Variants in STAMBPL1 observed in about 807,000 individuals in gnomAD.
STAMBPL1 encodes AMSH-like protease.
In STAMBPL1, 44 loss-of-function variants were observed where a neutral mutation model predicts 52.9. That is an observed-to-expected ratio of 0.83 (90% CI 0.65 to 1.07). The LOEUF is 1.07. STAMBPL1 is among the 50% of genes least tolerant of loss of function. The pLI, the probability that STAMBPL1 is intolerant of heterozygous loss-of-function variation, is 0.00. For synonymous variants in STAMBPL1, 164 were observed against 177.3 expected (o/e 0.92, Z 0.60); for missense variants, 511 against 520.8 (o/e 0.98, Z 0.18).
intron 2 of STAMBPL1, 57 bp downstream of exon 2, chr10:88,901,795 G>T: frequency 6.5e-7 from 1 of 1,536,100 alleles, no homozygotes; most frequent in South Asian, 1.2e-5. Context: ...AAGAAGAACA[G>T]AAACATACAA....
intron 2 of STAMBPL1, among the ~76,000 whole-genome samples, chr10:88,904,489 A>G (rs1845023899): frequency 1.3e-5 from 2 of 152,144 alleles, no homozygotes; most frequent in African/African-American, 4.8e-5. Context: ...TTGCTTTTAT[A>G]AATAAACATT....
At chr10:88,892,014 T>C (rs1197438617) in intron 1 of STAMBPL1, among the ~76,000 whole-genome samples, 1 of 150,386 alleles carries the variant, frequency 6.6e-6, no homozygotes, top group Admixed American at 6.6e-5. Context: ...CAAATTAAGC[T>C]GAAGCCATGA....
intron 6 of STAMBPL1, among the ~76,000 whole-genome samples, chr10:88,913,856 G>A (rs532458746): frequency 2.0e-5 from 3 of 152,248 alleles, no homozygotes; most frequent in Admixed American, 2.0e-4. Context: ...AGCAATAAAT[G>A]TTTATACTCA....
At chr10:88,892,677 A>G (rs1031936681) in intron 1 of STAMBPL1, among the ~76,000 whole-genome samples, 5 of 152,192 alleles carry the variant, frequency 3.3e-5, no homozygotes, top group East Asian at 3.8e-4. Context: ...AACCAAATGT[A>G]TGAATACAGC....
chr10:88,883,623 A>G (rs765674659), intron 1 of STAMBPL1, among the ~76,000 whole-genome samples: 5 of 152,230 alleles, frequency 3.3e-5, no homozygotes, highest in Non-Finnish European at 5.9e-5. Flanking sequence ...GGACAGGCCA[A>G]TTTAACATTT....
At chr10:88,889,315 C>T (rs1465014086) in intron 1 of STAMBPL1, among the ~76,000 whole-genome samples, 1 of 152,070 alleles carries the variant, frequency 6.6e-6, no homozygotes, top group Non-Finnish European at 1.5e-5. Context: ...ACATTTTTTT[C>T]AATCCTCATC....
At position 88,915,990 on chromosome 10, in the gene STAMBPL1, C is replaced by A. The variant is rs186947592; in HGVS notation, c.904-690C>A. ...GGCCAGCCTGCCTGGGGGAAGATAGCCTCTCATTGCACAAACATCTGTTCC... is the reference window on the plus strand; with the variant it reads ...GGCCAGCCTGCCTGGGGGAAGATAGACTCTCATTGCACAAACATCTGTTCC... On this transcript the variant is annotated intron_variant, in intron 7 of 10. Coordinates refer to ENST00000371926, the MANE Select transcript of STAMBPL1 (RefSeq NM_020799.4). 1.7e-3 allele frequency among the ~76,000 whole-genome samples: 259 copies of A among 152,188 alleles called. 2 individuals carry two copies. Among genetic ancestry groups the A allele is most frequent in the African/African-American group, 6.0e-3 (248 of 41,530 alleles).
chr10:88,914,613 T>C lies in STAMBPL1; in HGVS notation c.858T>C (p.Asn286=). ...AATTTCTGCAACTGGCAGAATCTAATACAGTGAGAGGAATAGAAACCTGTG... is the reference window on the plus strand; with the variant it reads ...AATTTCTGCAACTGGCAGAATCTAACACAGTGAGAGGAATAGAAACCTGTG... ...CHKFLQLAES[N]TVRGIETCGI... is the part of the protein sequence containing the mutation. The change falls in exon 7 of 11, where the codon AAT becomes AAC. Residue 286 remains asparagine, a synonymous_variant. Coordinates refer to ENST00000371926, the MANE Select transcript of STAMBPL1 (RefSeq NM_020799.4). 5.9e-6 allele frequency: 9 copies of C among 1,512,660 alleles called. No individual in the cohort carries two copies. Among genetic ancestry groups the C allele is most frequent in the Non-Finnish European group, 8.0e-6 (9 of 1,125,664 alleles). 93.7% of individuals were successfully genotyped at this position (1,512,660 alleles called of 1,614,324 possible).
At chr10:88,888,213 G>A (rs1224965741) in intron 1 of STAMBPL1, among the ~76,000 whole-genome samples, 2 of 152,176 alleles carry the variant, frequency 1.3e-5, no homozygotes, top group Non-Finnish European at 2.9e-5. Context: ...GTGAGTAGTG[G>A]AAGACACAGA....
Position 88,916,736 on chromosome 10 carries a change from A to G in STAMBPL1, c.960A>G (p.Pro320=), listed in dbSNP as rs1281065446. 6.2e-7 allele frequency: 1 copy of G among 1,610,584 alleles called. No individual in the cohort carries two copies. The highest frequency in any genetic ancestry group is 8.5e-7 in the Non-Finnish European group (1 of 1,178,578). ...HVIVPKQSAG[P]DYCDMENVEE... ...TTGTGCCAAAGCAGTCTGCGGGACC[A>G]GACTATTGTGACATGGAGAATGTAG... is the stretch of plus-strand genomic sequence containing the variant. The change falls in exon 8 of 11, where the codon CCA becomes CCG. Residue 320 remains proline (P), a synonymous_variant. Coordinates refer to ENST00000371926, the MANE Select transcript of STAMBPL1 (RefSeq NM_020799.4).
At chr10:88,914,494 A>G (rs11202889) in intron 6 of STAMBPL1, 40 bp from the exon 7 acceptor site, 25 of 1,425,560 alleles carry the variant, frequency 1.8e-5, no homozygotes, top group East Asian at 2.7e-5. Context: ...TGGGACATAT[A>G]GTTTGTTTTT....
chr10:88,888,235 G>T (rs72809310), intron 1 of STAMBPL1, among the ~76,000 whole-genome samples: 6 of 152,238 alleles, frequency 3.9e-5, no homozygotes, highest in African/African-American at 1.4e-4. Flanking sequence ...AAGGGGAAAG[G>T]CTCAGATAAC....
intron 1 of STAMBPL1, among the ~76,000 whole-genome samples, chr10:88,881,457 T>TA (rs1844404667): frequency 6.6e-6 from 1 of 152,042 alleles, no homozygotes; most frequent in Non-Finnish European, 1.5e-5. Context: ...CGGTAGTAAG[T>TA]AAAAAAGACA....
chr10:88,909,764 C>A (rs1170274642), intron 4 of STAMBPL1, among the ~76,000 whole-genome samples: 1 of 152,056 alleles, frequency 6.6e-6, no homozygotes, highest in Admixed American at 6.6e-5. Flanking sequence ...CCATGCCCAG[C>A]TAATTTTTGT....
chr10:88,913,034 T>C, intron 5 of STAMBPL1, 67 bp from the exon 6 acceptor site: 1 of 1,333,198 alleles, frequency 7.5e-7, no homozygotes, highest in Non-Finnish European at 1.0e-6. Context: ...AGACTGAAAA[T>C]GTCTAATTCC....
intron 7 of STAMBPL1, among the ~76,000 whole-genome samples, chr10:88,915,594 C>T (rs1374573157): frequency 6.6e-6 from 1 of 152,194 alleles, no homozygotes; most frequent in African/African-American, 2.4e-5. Flanking sequence ...GTCAGACAAA[C>T]ATTTACCGAA....
At chr10:88,887,187 A>C (rs1475112565) in intron 1 of STAMBPL1, among the ~76,000 whole-genome samples, 1 of 152,198 alleles carries the variant, frequency 6.6e-6, no homozygotes, top group East Asian at 1.9e-4. Flanking sequence ...TGTTCCTGTT[A>C]ACCTGGGCAA....
At chr10:88,896,499 A>G (rs574303092) in intron 1 of STAMBPL1, among the ~76,000 whole-genome samples, 1 of 152,240 alleles carries the variant, frequency 6.6e-6, no homozygotes, top group South Asian at 2.1e-4. Flanking sequence ...AACTGAGTAA[A>G]TTGCACCATG....
At chr10:88,901,524 C>G (rs1483164091) in intron 1 of STAMBPL1, 132 bp from the exon 2 acceptor site, 1 of 450,974 alleles carries the variant, frequency 2.2e-6, no homozygotes, top group African/African-American at 2.0e-5. Flanking sequence ...AACAGTCTCT[C>G]TAAACACTCA....
Sources: gnomAD v4.1 joint callset for allele counts (sites outside exome capture counted in the v4.1 genomes callset) on GRCh38, gnomAD v4.1.1 for gene constraint, MANE v1.5 for transcripts, NCBI Gene and HGNC (gene_info 2026-07-23, HGNC 2026-07-21) for gene names.